Variants in FRMD4A observed in about 807,000 individuals in gnomAD.
FRMD4A encodes the protein FERM domain containing 4A.
Under a neutral mutation model 129.1 loss-of-function variants are expected in FRMD4A, and 29 were observed. The ratio of observed to expected loss-of-function variants is 0.22; its 90% CI spans 0.17 to 0.31. The LOEUF is 0.31. Ranked by LOEUF, FRMD4A falls within the 10% of genes least tolerant of loss-of-function variation. FRMD4A has a pLI of 1.00. For synonymous variants in FRMD4A, 634 were observed against 571.6 expected, an observed-to-expected ratio of 1.11 and a Z score of -1.56; for missense variants, 1,272 against 1,375.8, an observed-to-expected ratio of 0.92 and a Z score of 1.19.
intron 2 of FRMD4A, among the ~76,000 whole-genome samples, chr10:14,291,796 A>G (rs553770063): frequency 1.2e-4 from 18 of 151,990 alleles, no homozygotes; most frequent in Non-Finnish European, 1.8e-4. Context: ...GCATAGTAAG[A>G]TAAAAAACTA....
At chr10:13,831,152 C>A (rs2093784186) in intron 3 of FRMD4A, among the ~76,000 whole-genome samples, 1 of 152,214 alleles carries the variant, frequency 6.6e-6, no homozygotes, top group African/African-American at 2.4e-5. Context: ...GAGGCACACA[C>A]ACACAGAGAG....
intron 2 of FRMD4A, among the ~76,000 whole-genome samples, chr10:14,143,809 T>C (rs1464137726): frequency 6.6e-6 from 1 of 152,094 alleles, no homozygotes; most frequent in Non-Finnish European, 1.5e-5. Context: ...AGATGGGGTT[T>C]CGTTGACCAG....
chr10:13,666,369 G>T, intron 17 of FRMD4A, 44 bp from the exon 18 acceptor site: 2 of 1,362,280 alleles, frequency 1.5e-6, no homozygotes, highest in Non-Finnish European at 2.1e-6. Flanking sequence ...GGGATGCTGA[G>T]CAGGGAGACC....
chr10:13,815,316 A>G (rs1212660974), intron 3 of FRMD4A, among the ~76,000 whole-genome samples: 2 of 152,198 alleles, frequency 1.3e-5, no homozygotes, highest in Non-Finnish European at 2.9e-5. Context: ...AAAGACAAAT[A>G]TTGTATGATT....
chr10:14,311,528 C>T (rs1846545738), intron 2 of FRMD4A, among the ~76,000 whole-genome samples: 1 of 151,940 alleles, frequency 6.6e-6, no homozygotes, highest in Admixed American at 6.6e-5. Flanking sequence ...TTATATTTTT[C>T]CTACCAAGCG....
rs542029337 is a variant in FRMD4A at position 14,014,066 on chromosome 10, C to T, written c.46-155154G>A. Among the ~76,000 whole-genome samples the T allele has an allele frequency of 3.3e-5, 5 of 152,200 alleles. No homozygotes were observed. In the East Asian group the frequency reaches 5.8e-4, roughly 18 times the overall value. On this transcript the variant is annotated intron_variant, in intron 2 of 24. Coordinates refer to ENST00000357447, the MANE Select transcript of FRMD4A (RefSeq NM_018027.5). ...CGGGTGAAGACAGCGCAGTGAGTAT[C>T]GGGGAGGTGGGTGGGGATGCAGGGG... is the stretch of plus-strand genomic sequence containing the variant.
intron 3 of FRMD4A, among the ~76,000 whole-genome samples, chr10:13,818,055 T>C (rs1001929442): frequency 1.3e-5 from 2 of 152,244 alleles, no homozygotes; most frequent in African/African-American, 4.8e-5. Context: ...TCCAGATAGA[T>C]GATCTTAGAC....
intron 2 of FRMD4A, among the ~76,000 whole-genome samples, chr10:14,174,561 C>T (rs1040973819): frequency 1.4e-4 from 21 of 152,012 alleles, no homozygotes. Flanking sequence ...TTCATTCATT[C>T]ATTCGTTCAT....
intron 2 of FRMD4A, among the ~76,000 whole-genome samples, chr10:14,218,203 T>A (rs1589182550): frequency 6.6e-6 from 1 of 152,300 alleles, no homozygotes; most frequent in Non-Finnish European, 1.5e-5. Context: ...TTTGTTTAAA[T>A]TGGTATGAAA....
chr10:13,967,559 A>G (rs996626872), intron 2 of FRMD4A, among the ~76,000 whole-genome samples: 3 of 152,182 alleles, frequency 2.0e-5, no homozygotes, highest in Non-Finnish European at 4.4e-5. Context: ...AACAAAAACA[A>G]AAACAAAAAG....
intron 2 of FRMD4A, among the ~76,000 whole-genome samples, chr10:14,212,521 C>G (rs1052087701): frequency 1.3e-5 from 2 of 152,052 alleles, no homozygotes; most frequent in Admixed American, 1.3e-4. Flanking sequence ...CTGTGATGTC[C>G]GCTGCCAGCT....
intron 14 of FRMD4A, among the ~76,000 whole-genome samples, chr10:13,694,308 A>C (rs2086011323): frequency 6.6e-6 from 1 of 152,216 alleles, no homozygotes; most frequent in African/African-American, 2.4e-5. Flanking sequence ...GCTTAAGAGA[A>C]TGTCCTGATT....
intron 15 of FRMD4A, 61 bp from the exon 16 acceptor site, chr10:13,675,105 A>C: frequency 6.7e-7 from 1 of 1,499,562 alleles, no homozygotes; most frequent in Non-Finnish European, 9.2e-7. Flanking sequence ...TGGACCACTA[A>C]TGAATTTAAC....
chr10:14,185,490 T>C (rs993320581), intron 2 of FRMD4A, among the ~76,000 whole-genome samples: 4 of 152,228 alleles, frequency 2.6e-5, no homozygotes, highest in African/African-American at 9.6e-5. Context: ...TTTTGTAATT[T>C]TTCTAACTTC....
chr10:13,738,582 G>A (rs555423738), intron 11 of FRMD4A, among the ~76,000 whole-genome samples: 1 of 152,108 alleles, frequency 6.6e-6, no homozygotes, highest in Non-Finnish European at 1.5e-5. Flanking sequence ...AGTGGAAGCT[G>A]AAACAGTCTC....
chr10:14,170,589 G>A (rs1440757860), intron 2 of FRMD4A, among the ~76,000 whole-genome samples: 4 of 152,192 alleles, frequency 2.6e-5, no homozygotes, highest in Non-Finnish European at 4.4e-5. Flanking sequence ...GGTGTTAAAG[G>A]AAACCATATT....
intron 2 of FRMD4A, among the ~76,000 whole-genome samples, chr10:14,013,714 C>T (rs2095689324): frequency 6.6e-6 from 1 of 152,032 alleles, no homozygotes; most frequent in Non-Finnish European, 1.5e-5. Flanking sequence ...GGTGGATCCC[C>T]TGAGGTCGGG....
intron 2 of FRMD4A, among the ~76,000 whole-genome samples, chr10:14,258,440 A>C (rs899097237): frequency 6.6e-6 from 1 of 152,202 alleles, no homozygotes; most frequent in Admixed American, 6.5e-5. Context: ...AAATAAGCAC[A>C]TGAAAAAATC....
chr10:14,130,799 A>C (rs1346204035), intron 2 of FRMD4A, among the ~76,000 whole-genome samples: 1 of 152,172 alleles, frequency 6.6e-6, no homozygotes, highest in Non-Finnish European at 1.5e-5. Flanking sequence ...TGACATAGGG[A>C]ATAAGGCGTT....
Sources: gnomAD v4.1 joint callset for allele counts (sites outside exome capture counted in the v4.1 genomes callset) on GRCh38, gnomAD v4.1.1 for gene constraint, MANE v1.5 for transcripts, NCBI Gene and HGNC (gene_info 2026-07-23, HGNC 2026-07-21) for gene names.